The following MTOR variants were observed in gnomAD, a reference collection of about 807,000 sequenced individuals.
MTOR encodes serine/threonine-protein kinase mTOR.
MTOR carries 70 observed loss-of-function variants against 319.8 expected under a neutral mutation model. The observed-to-expected ratio is 0.22, with a 90% CI of 0.18 to 0.27. The LOEUF (loss-of-function observed/expected upper bound fraction) is 0.27, where lower values mean the gene tolerates loss of function less well. Ranked by LOEUF, MTOR falls within the 10% of genes least tolerant of loss-of-function variation. The pLI is 1.00. For missense variants in MTOR, 1,890 were observed against 3,274.4 expected, an observed-to-expected ratio of 0.58 and a Z score of 10.32; for synonymous variants, 1,183 against 1,211.4, an observed-to-expected ratio of 0.98 and a Z score of 0.49.
chr1:11,187,592 G>C (rs1645363850), intron 28 of MTOR, among the ~76,000 whole-genome samples: 1 of 152,150 alleles, frequency 6.6e-6, no homozygotes, highest in African/African-American at 2.4e-5. Flanking sequence ...CTGCAGCCTG[G>C]GGATTAGGGA....
intron 8 of MTOR, among the ~76,000 whole-genome samples, chr1:11,246,668 CT>C (rs2100935335): frequency 6.6e-6 from 1 of 152,272 alleles, no homozygotes; most frequent in South Asian, 2.1e-4. Flanking sequence ...CCAGGCTGGC[CT>C]TTTGCTTATG....
chr1:11,166,522 T>C (rs540107959), intron 29 of MTOR, among the ~76,000 whole-genome samples: 1 of 152,116 alleles, frequency 6.6e-6, no homozygotes, highest in Non-Finnish European at 1.5e-5. Context: ...ATCAGAGAAA[T>C]GCAAATCAAA....
At chr1:11,203,899 C>T (rs921224143) in intron 26 of MTOR, among the ~76,000 whole-genome samples, 7 of 152,180 alleles carry the variant, frequency 4.6e-5, no homozygotes, top group Non-Finnish European at 8.8e-5. Flanking sequence ...ATCATAAAAA[C>T]ACCATGCTCT....
Position 11,240,490 on chromosome 1 carries a change from C to T in MTOR, c.1599G>A (p.Lys533=). 1.9e-6 allele frequency: 3 copies of T among 1,614,186 alleles called. No individual in the cohort carries two copies. The highest frequency in any genetic ancestry group is 2.5e-6 in the Non-Finnish European group (3 of 1,180,036). Residue 533 remains lysine, a synonymous_variant, in exon 11 of 58, where the codon AAG becomes AAA. Transcript: ENST00000361445. ...TTTTCAGTAGCCCATCTTGAATGTC[C>T]TTCTTTAGCTGTGGAATCTGACGGC... ...DLSRQIPQLK[K]DIQDGLLKML...
At chr1:11,223,165 A>G (rs996237328) in intron 19 of MTOR, among the ~76,000 whole-genome samples, 1 of 151,776 alleles carries the variant, frequency 6.6e-6, no homozygotes, top group South Asian at 2.1e-4. Flanking sequence ...CTACAAATAC[A>G]TGACTTTTTT....
chr1:11,145,333 G>A, intron 32 of MTOR: 2 of 418,710 alleles, frequency 4.8e-6, no homozygotes, highest in South Asian at 3.1e-5. Context: ...CTGTAAAACC[G>A]AATCATGGGT....
At chr1:11,238,360 C>A in intron 12 of MTOR, 42 bp downstream of exon 12, 1 of 1,600,002 alleles carries the variant, frequency 6.2e-7, no homozygotes, top group Non-Finnish European at 8.6e-7. Flanking sequence ...TTGTCCTAAG[C>A]TCCTTAACTC....
intron 18 of MTOR, among the ~76,000 whole-genome samples, chr1:11,229,996 C>T (rs1217912565): frequency 6.6e-6 from 1 of 151,908 alleles, no homozygotes; most frequent in Non-Finnish European, 1.5e-5. Context: ...AAAATAAAAA[C>T]AATAAAAGGC....
intron 19 of MTOR, among the ~76,000 whole-genome samples, chr1:11,218,805 A>G (rs982131345): frequency 1.3e-5 from 2 of 152,182 alleles, no homozygotes; most frequent in Non-Finnish European, 2.9e-5. Flanking sequence ...ATTTTAAAAG[A>G]ACACAGTTTT....
chr1:11,154,071 A>C (rs1644239839), intron 30 of MTOR, among the ~76,000 whole-genome samples: 1 of 90,602 alleles, frequency 1.1e-5, no homozygotes, highest in Non-Finnish European at 2.1e-5. Flanking sequence ...TCTGTCTCAA[A>C]AAAAAAAAAA....
At chr1:11,160,481 G>A (rs192723931) in intron 29 of MTOR, among the ~76,000 whole-genome samples, 11 of 152,264 alleles carry the variant, frequency 7.2e-5, no homozygotes, top group Non-Finnish European at 1.3e-4. Flanking sequence ...TAGACACAAT[G>A]CAAGCTCCCA....
At position 11,133,348 on chromosome 1, in the gene MTOR, A is replaced by G. The variant is rs573830897; in HGVS notation, c.5247-151T>C. ...GAAGGAGCTAGCAAAATTTTCAGCC[A>G]CACGCAAGAAAGGAGATGGGCTTTT... On this transcript the variant is annotated intron_variant, in intron 37 of 57. Coordinates refer to ENST00000361445, the MANE Select transcript of MTOR (RefSeq NM_004958.4). The surrounding 1 kb of genome is among the most constrained non-coding windows in gnomAD (Gnocchi z 4.0). 3.0e-6 allele frequency: 2 copies of G among 661,626 alleles called. No homozygotes were observed. Among genetic ancestry groups the G allele is most frequent in the East Asian group, 5.1e-5 (2 of 39,174 alleles). The allele number at this position is 661,626 out of a possible 1,614,324, so 41.0% of individuals were successfully genotyped here.
At position 11,225,683 on chromosome 1, in the gene MTOR, A is replaced by G. The variant is rs146287713; in HGVS notation, c.3030+2985T>C. Among the ~76,000 whole-genome samples the G allele has an allele frequency of 6.1e-3, 922 of 152,256 alleles. 11 individuals are homozygous for G. The highest frequency in any genetic ancestry group is 0.021 in the African/African-American group (868 of 41,544). On this transcript the variant is annotated intron_variant, in intron 19 of 57. Transcript: ENST00000361445. ...ATGATCCACCCGCCTTGGCCTCCCA[A>G]AGTGCTGGGATTATAGGCATGAGCC...
rs372654896 is a variant in MTOR, at chr1:11,202,212, G to A, written c.3944+2349C>T. The stretch of plus-strand genomic sequence containing the variant: ...TGGGAGGCCGAGGTGGGCAGATTGC[G>A]AGGTCAGGAGATCGAGACCATCCTG... On this transcript the variant is annotated intron_variant, in intron 26 of 57. Coordinates refer to ENST00000361445, the MANE Select transcript of MTOR (RefSeq NM_004958.4). 4.1e-3 allele frequency among the ~76,000 whole-genome samples: 631 copies of A among 152,106 alleles called. 6 individuals are homozygous for A. Among genetic ancestry groups the A allele is most frequent in the African/African-American group, 0.014 (591 of 41,496 alleles).
chr1:11,175,934 G>A (rs1033104916), intron 28 of MTOR, among the ~76,000 whole-genome samples: 47 of 152,148 alleles, frequency 3.1e-4, no homozygotes, highest in African/African-American at 1.1e-3. Context: ...TAGTAGTAGA[G>A]ATGTGTTTTC....
At chr1:11,242,805 C>G (rs1481479588) in intron 9 of MTOR, among the ~76,000 whole-genome samples, 1 of 152,182 alleles carries the variant, frequency 6.6e-6, no homozygotes, top group Non-Finnish European at 1.5e-5. Flanking sequence ...GGTCTTATAT[C>G]AAAATAAGAC....
rs565573780 is a variant in MTOR, at chr1:11,163,345, T to C, written c.4329+4097A>G. Among the ~76,000 whole-genome samples, 18 of 152,290 alleles carry C rather than the reference T, an allele frequency of 1.2e-4. No individual in the cohort carries two copies. In the East Asian group the frequency reaches 3.5e-3, roughly 29 times the overall value. On this transcript the variant is annotated intron_variant, in intron 29 of 57. Coordinates refer to ENST00000361445, the MANE Select transcript of MTOR (RefSeq NM_004958.4). ...CCCAAACAGTAATAATGGGAGACTT[T>C]AACACCCCACTGTCAACATTAGACA...
chr1:11,145,113 C>T (rs924644287), intron 32 of MTOR, 68 bp from the exon 33 acceptor site: 2 of 1,281,628 alleles, frequency 1.6e-6, no homozygotes, highest in African/African-American at 1.5e-5. Flanking sequence ...TAGGGCACCC[C>T]AACTAGCTAC....
rs796351423 is a variant in MTOR, at chr1:11,115,059, TA to T, written c.7090-173del. Reference sequence around the variant, plus strand: ...TGTCACAGGGATTTGAAAGACAACTTAAAAAAAAAAAGAAACGAACAACAGA... The same window carrying T: ...TGTCACAGGGATTTGAAAGACAACTTAAAAAAAAAAGAAACGAACAACAGA... On this transcript the variant is annotated intron_variant, in intron 51 of 57. Transcript: ENST00000361445. This position sits in a 1 kb window ranked among gnomAD's most constrained non-coding sequence, Gnocchi z 4.5. Among the ~76,000 whole-genome samples the T allele has an allele frequency of 1.8e-4, 25 of 139,014 alleles. No individual in the cohort carries two copies. Among genetic ancestry groups the T allele is most frequent in the East Asian group, 4.1e-4 (2 of 4,888 alleles). The allele number at this position is 139,014 out of a possible 152,430, so 91.2% of individuals were successfully genotyped here. A position where few individuals can be genotyped will look rare whatever the true frequency, so the allele number is the denominator to read the frequency against.
Sources: allele counts gnomAD v4.1 joint callset (sites outside exome capture counted in the v4.1 genomes callset), GRCh38; gene constraint gnomAD v4.1.1; non-coding constraint Gnocchi (gnomAD v3.1); transcripts MANE v1.5; gene names NCBI Gene and HGNC (gene_info 2026-07-23, HGNC 2026-07-21).